Variants in RANBP1 observed in about 807,000 individuals in gnomAD.
RANBP1 encodes the protein ran-specific GTPase-activating protein.
In RANBP1, 16 loss-of-function variants were observed where a neutral mutation model predicts 31.4. The ratio of observed to expected loss-of-function variants is 0.51; its 90% CI spans 0.34 to 0.77. The LOEUF (loss-of-function observed/expected upper bound fraction) is 0.77. Ranked by LOEUF, RANBP1 falls within the 30% of genes least tolerant of loss-of-function variation. The pLI is 0.01. For missense variants in RANBP1, 265 were observed against 362.0 expected (o/e 0.73, Z 2.17); for synonymous variants, 129 against 140.5 (o/e 0.92, Z 0.58).
In RANBP1 at chr22:20,116,309, G is replaced by A. The variant is rs1052565694; in HGVS notation, c.125G>A (p.Gly42Asp). Residue 42 changes from glycine to aspartate, a missense_variant, in exon 1 of 6, where the codon GGT (glycine) becomes GAT (aspartate). Gly to Asp is a moderately conservative substitution (Grantham distance 94). This residue lies in a region of RANBP1 where 126 missense variants were observed against 123.6 expected (regional missense o/e 1.02). Transcript: ENST00000430524. ...AALRNVTKAQGGCPKSLVLWG... is the reference protein window; with the variant it reads ...AALRNVTKAQDGCPKSLVLWG... ...CTGCGGAATGTCACAAAGGCGCAGG[G>A]TGGTTGCCCAAAGAGTTTGGTTTTG... The A allele has an allele frequency of 3.1e-6, 5 of 1,612,988 alleles. No homozygotes were observed. The Admixed American group carries it at 6.7e-5, about 21-fold the overall frequency.
At chr22:20,117,494 C>T (rs1041344837) in intron 1 of RANBP1, 3 of 1,247,576 alleles carry the variant, frequency 2.4e-6, no homozygotes, top group African/African-American at 1.6e-5. Context: ...CCGCTGGGGT[C>T]AGGGGTCGAG....
At chr22:20,124,590 C>G (rs2050255977) in intron 3 of RANBP1, 1 of 153,470 alleles carries the variant, frequency 6.5e-6, no homozygotes, top group African/African-American at 2.4e-5. Flanking sequence ...GGCCATCTCC[C>G]CTTGGGGCTG....
Position 20,122,247 on chromosome 22 carries a change from C to CA in RANBP1, c.384-16dup. 1 of 1,611,532 alleles carries CA rather than the reference C, an allele frequency of 6.2e-7. No individual in the cohort carries two copies. The highest frequency in any genetic ancestry group is 1.3e-5 in the African/African-American group (1 of 75,012). Reference sequence around the variant, plus strand: ...GGCTGCAGGTCTGCACTCTTAACCTCACGGCTTTTCTTGCAGGCGGGCAAA... The same window carrying CA: ...GGCTGCAGGTCTGCACTCTTAACCTCAACGGCTTTTCTTGCAGGCGGGCAAA... On this transcript the variant is annotated splice_polypyrimidine_tract_variant and intron_variant, in intron 2 of 5. Coordinates refer to ENST00000430524, the MANE Select transcript of RANBP1 (RefSeq NM_001278639.2).
At position 20,122,648 on chromosome 22, in the gene RANBP1, A is replaced by C; in HGVS notation, c.541+227A>C. On this transcript the variant is annotated intron_variant, in intron 3 of 5. Coordinates refer to ENST00000430524, the MANE Select transcript of RANBP1 (RefSeq NM_001278639.2). ...CACACGGGGGTGTGGAGTCAGCCAG[A>C]CGGGCCCTGATGGGAGGACGCAGCG... is the stretch of plus-strand genomic sequence containing the variant. 2.7e-6 allele frequency: 4 copies of C among 1,472,692 alleles called. No homozygotes were observed. The South Asian group carries it at 4.9e-5, about 18-fold the overall frequency. The allele number at this position is 1,472,692 out of a possible 1,614,324, so 91.2% of individuals were successfully genotyped here.
chr22:20,124,933 C>T, intron 3 of RANBP1: 1 of 305,302 alleles, frequency 3.3e-6, no homozygotes, highest in Non-Finnish European at 6.2e-6. Context: ...TTGAGTGCAG[C>T]CCTGGGATAC....
At chr22:20,121,099 G>A (rs560271305) in intron 2 of RANBP1, among the ~76,000 whole-genome samples, 4 of 152,264 alleles carry the variant, frequency 2.6e-5, no homozygotes, top group Admixed American at 2.0e-4. Flanking sequence ...GGCTATAGGC[G>A]CATGCCTCCA....
At chr22:20,126,239 C>T (rs2050294156) in intron 4 of RANBP1, 64 bp from the exon 5 acceptor site, 2 of 1,551,252 alleles carry the variant, frequency 1.3e-6, no homozygotes, top group African/African-American at 2.7e-5. Flanking sequence ...CTCTTCAGAC[C>T]CGGCAGGGCA....
At position 20,127,081 on chromosome 22, in the gene RANBP1, C is replaced by G. The variant is rs374874705; in HGVS notation, c.*29C>G. 1.4e-5 allele frequency: 21 copies of G among 1,550,164 alleles called. No homozygotes were observed. Among genetic ancestry groups the G allele is most frequent in the Non-Finnish European group, 1.7e-5 (19 of 1,150,560 alleles). On this transcript the variant is annotated 3_prime_UTR_variant, in exon 6 of 6. Coordinates refer to ENST00000430524, the MANE Select transcript of RANBP1 (RefSeq NM_001278639.2). ...GTCTTATTTTATTTTCTTTTCCTCT[C>G]TTTCCTTTCCTTTTTTTAAAAAATT...
At chr22:20,125,073 A>G (rs1042829358) in intron 3 of RANBP1, 3 of 518,038 alleles carry the variant, frequency 5.8e-6, no homozygotes, top group Non-Finnish European at 1.0e-5. Context: ...ACAGGTGCCC[A>G]TTCCTATTTA....
At chr22:20,117,955 C>T (rs1295997290) in intron 1 of RANBP1, 3 of 1,006,700 alleles carry the variant, frequency 3.0e-6, no homozygotes, top group Non-Finnish European at 3.6e-6. Context: ...CGGCCCCAGC[C>T]TCCAGGAACT....
intron 1 of RANBP1, among the ~76,000 whole-genome samples, chr22:20,118,499 A>G (rs2050099885): frequency 6.6e-6 from 1 of 152,236 alleles, no homozygotes; most frequent in Admixed American, 6.5e-5. Flanking sequence ...TCCTGTAGCG[A>G]CTTTTTTCGT....
chr22:20,118,903 T>G, intron 1 of RANBP1, 110 bp from the exon 2 acceptor site: 1 of 1,154,592 alleles, frequency 8.7e-7, no homozygotes, highest in Non-Finnish European at 1.2e-6. Context: ...CCCATCCTTG[T>G]ATCTGAAGTC....
intron 2 of RANBP1, among the ~76,000 whole-genome samples, chr22:20,120,519 A>C (rs895434002): frequency 1.3e-5 from 2 of 152,214 alleles, no homozygotes; most frequent in African/African-American, 2.4e-5. Context: ...CCTGTGAGAC[A>C]GTCTCTTGCC....
At chr22:20,122,026 C>A (rs766851255) in intron 2 of RANBP1, among the ~76,000 whole-genome samples, 1 of 152,140 alleles carries the variant, frequency 6.6e-6, no homozygotes, top group Non-Finnish European at 1.5e-5. Flanking sequence ...AATGAGCCAC[C>A]GCGCCCGGTC....
At position 20,127,058 on chromosome 22, in the gene RANBP1, C is replaced by G. The variant is rs763847750; in HGVS notation, c.*6C>G. 50 of 1,592,442 alleles carry G rather than the reference C, an allele frequency of 3.1e-5. No individual in the cohort carries two copies. In the South Asian group the frequency reaches 5.6e-4, roughly 18 times the overall value. On this transcript the variant is annotated 3_prime_UTR_variant, in exon 6 of 6. Transcript: ENST00000430524. ...ATGCTGAGGAGAAGCAATAAATCGT[C>G]TTATTTTATTTTCTTTTCCTCTCTT... is the stretch of plus-strand genomic sequence containing the variant.
In RANBP1 at chr22:20,116,130, G is replaced by A. The variant is rs767701650; in HGVS notation, c.-55G>A. 26 of 1,612,512 alleles carry A rather than the reference G, an allele frequency of 1.6e-5. No homozygotes were observed. In the African/African-American group the frequency reaches 2.8e-4, roughly 17 times the overall value. The stretch of plus-strand genomic sequence containing the variant: ...CTGTCCATAGAGGGGTCACCACGTC[G>A]GCCACTCGTGTTACTGGTGGCTCAC... On this transcript the variant is annotated 5_prime_UTR_variant, in exon 1 of 6. Coordinates refer to ENST00000430524, the MANE Select transcript of RANBP1 (RefSeq NM_001278639.2).
At chr22:20,123,080 T>A (rs1387313120) in intron 3 of RANBP1, among the ~76,000 whole-genome samples, 1 of 98,572 alleles carries the variant, frequency 1.0e-5, no homozygotes, top group African/African-American at 4.2e-5. Flanking sequence ...GTGTTTGGTG[T>A]TTGGGGTGTG....
At chr22:20,126,231 C>T in intron 4 of RANBP1, 72 bp from the exon 5 acceptor site, 1 of 1,542,530 alleles carries the variant, frequency 6.5e-7, no homozygotes, top group Admixed American at 1.8e-5. Context: ...AATCCTGACT[C>T]TTCAGACCCG....
Position 20,122,241 on chromosome 22 carries a change from TAACCTCA to T in RANBP1, c.384-22_384-16del, listed in dbSNP as rs1388429888. 1 of 1,610,902 alleles carries T rather than the reference TAACCTCA, an allele frequency of 6.2e-7. No individual in the cohort carries two copies. Among genetic ancestry groups the T allele is most frequent in the East Asian group, 2.2e-5 (1 of 44,802 alleles). ...CATGTGGGCTGCAGGTCTGCACTCT[TAACCTCA>T]CGGCTTTTCTTGCAGGCGGGCAAAA... On this transcript the variant is annotated splice_polypyrimidine_tract_variant and intron_variant, in intron 2 of 5. Transcript: ENST00000430524.
Sources: gnomAD v4.1 joint callset for allele counts (sites outside exome capture counted in the v4.1 genomes callset) on GRCh38, gnomAD v4.1.1 for gene constraint, gnomAD v4.1.1 regional missense constraint, MANE v1.5 for transcripts, NCBI Gene and HGNC (gene_info 2026-07-23, HGNC 2026-07-21) for gene names.